The following FKBP5 variants were observed in gnomAD, a reference collection of about 807,000 sequenced individuals.
FKBP5 encodes the protein peptidyl-prolyl cis-trans isomerase FKBP5.
A neutral mutation model predicts 50.5 loss-of-function variants in FKBP5; 23 were observed. The ratio of observed to expected loss-of-function variants is 0.46; its 90% CI spans 0.33 to 0.65. The LOEUF (loss-of-function observed/expected upper bound fraction) is 0.65. Ranked by LOEUF, FKBP5 falls within the 30% of genes least tolerant of loss-of-function variation. FKBP5 has a pLI of 0.02. For synonymous variants in FKBP5, 176 were observed against 190.6 expected (o/e 0.92, Z 0.63); for missense variants, 411 against 553.1 (o/e 0.74, Z 2.58).
At position 35,632,901 on chromosome 6, in the gene FKBP5, A is replaced by G. The variant is rs567136212; in HGVS notation, c.250+4113T>C. 3.3e-5 allele frequency among the ~76,000 whole-genome samples: 5 copies of G among 152,178 alleles called. No individual in the cohort carries two copies. In the South Asian group the frequency reaches 6.2e-4, roughly 19 times the overall value. On this transcript the variant is annotated intron_variant, in intron 3 of 10. Coordinates refer to ENST00000357266, the MANE Select transcript of FKBP5 (RefSeq NM_004117.4). ...TAAAACTCCGTCTCAGAAAGAAAAA[A>G]AAAAAAAGAAAAGAGAAAAAGATGG...
intron 1 of FKBP5, among the ~76,000 whole-genome samples, chr6:35,683,115 C>CGTGTGTGT (rs1191313976): frequency 1.8e-5 from 1 of 56,196 alleles, no homozygotes; most frequent in Admixed American, 1.9e-4. Context: ...TATATATATA[C>CGTGTGTGT]GTATATGTGT....
At chr6:35,578,391 C>G (rs778513373) in intron 9 of FKBP5, among the ~76,000 whole-genome samples, 1 of 152,090 alleles carries the variant, frequency 6.6e-6, no homozygotes, top group Admixed American at 6.6e-5. Context: ...GTGGGGAAGT[C>G]TTTTCTAACT....
intron 7 of FKBP5, among the ~76,000 whole-genome samples, chr6:35,587,973 G>A (rs536985288): frequency 4.6e-5 from 7 of 151,896 alleles, no homozygotes; most frequent in Non-Finnish European, 1.0e-4. Context: ...GATAACGAGT[G>A]TGTGTTCCTG....
chr6:35,701,240 G>GTTTTTTTTTTTTTTTTTTTTTTTTT (rs1561901928), intron 2 of FKBP5, among the ~76,000 whole-genome samples: 1 of 146,934 alleles, frequency 6.8e-6, no homozygotes, highest in African/African-American at 2.5e-5. Context: ...TTTGTTTTTT[G>GTTTTTTTTTTTTTTTTTTTTTTTTT]TTTTTTTGTT....
intron 2 of FKBP5, among the ~76,000 whole-genome samples, chr6:35,706,424 C>CAAAAAAAAAAAAAAAAAAAAA (rs71002595): frequency 9.6e-6 from 1 of 103,872 alleles, no homozygotes; most frequent in East Asian, 2.5e-4. Flanking sequence ...AACTCTGTCT[C>CAAAAAAAAAAAAAAAAAAAAA]AAAAAAAAAA....
At chr6:35,667,156 AATTG>A (rs1765257754) in intron 1 of FKBP5, among the ~76,000 whole-genome samples, 1 of 152,140 alleles carries the variant, frequency 6.6e-6, no homozygotes, top group African/African-American at 2.4e-5. Context: ...AGATGAATAT[AATTG>A]ATCTTGATTA....
chr6:35,632,828 A>G (rs1764200273), intron 3 of FKBP5, among the ~76,000 whole-genome samples: 1 of 151,748 alleles, frequency 6.6e-6, no homozygotes, highest in Non-Finnish European at 1.5e-5. Context: ...GGTGGAGGTC[A>G]CAGTGAGCTG....
rs1478428087 is a variant in FKBP5 at position 35,594,791 on chromosome 6, AAC to A, written c.665+2455_665+2456del. Among the ~76,000 whole-genome samples, 7 of 152,306 alleles carry A rather than the reference AAC, an allele frequency of 4.6e-5. No individual in the cohort carries two copies. In the South Asian group the frequency reaches 8.3e-4, roughly 18 times the overall value. ...ACTTCACATAATTCTCCAACATACCAACACCTTGAACAAAAATAATGTTCCTT... is the reference window on the plus strand; with the variant it reads ...ACTTCACATAATTCTCCAACATACCAACCTTGAACAAAAATAATGTTCCTT... On this transcript the variant is annotated intron_variant, in intron 6 of 10. Transcript: ENST00000357266.
rs368107704 is a variant in FKBP5 at position 35,619,223 on chromosome 6, A to G, written c.394-13T>C. 48 of 1,583,106 alleles carry G rather than the reference A, an allele frequency of 3.0e-5. No homozygotes were observed. Among genetic ancestry groups the G allele is most frequent in the Middle Eastern group, 3.3e-4 (2 of 6,026 alleles). On this transcript the variant is annotated splice_polypyrimidine_tract_variant and intron_variant, in intron 4 of 10. Coordinates refer to ENST00000357266, the MANE Select transcript of FKBP5 (RefSeq NM_004117.4). ...CAAGGAGCTCAATCTAGAAAGAAAA[A>G]AGGAATTCAGCTGAGAAAAGACCAA...
upstream of FKBP5, among the ~76,000 whole-genome samples, chr6:35,690,288 G>A (rs1052419858): frequency 1.3e-5 from 2 of 152,112 alleles, no homozygotes; most frequent in African/African-American, 4.8e-5. Context: ...GACCAACATG[G>A]AGAAACCCCG....
chr6:35,694,651 A>G (rs1766054232), intron 2 of FKBP5, among the ~76,000 whole-genome samples: 1 of 152,178 alleles, frequency 6.6e-6, no homozygotes, highest in Non-Finnish European at 1.5e-5. Flanking sequence ...TTTCTGAGTC[A>G]TCTGATGACT....
chr6:35,728,243 C>G (rs1468753633), intron 1 of FKBP5, among the ~76,000 whole-genome samples: 1 of 152,196 alleles, frequency 6.6e-6, no homozygotes, highest in East Asian at 1.9e-4. Context: ...CAGCGACGAC[C>G]CGGCACTCGG....
intron 5 of FKBP5, among the ~76,000 whole-genome samples, chr6:35,605,728 G>A (rs1198060891): frequency 6.6e-6 from 1 of 152,066 alleles, no homozygotes; most frequent in Non-Finnish European, 1.5e-5. Context: ...GCAAAAGTTG[G>A]AAGCATTCCG....
chr6:35,577,044 G>A lies in FKBP5; in HGVS notation c.1216C>T (p.Arg406Cys), dbSNP rs759431987. The change falls in exon 10 of 11, where the codon CGC becomes TGC. Residue 406 changes from arginine to cysteine, a missense_variant. Arg to Cys is a radical substitution (Grantham distance 180). Transcript: ENST00000357266. The stretch of plus-strand genomic sequence containing the variant: ...TTGAACATGTTGGCGTATATCCTGC[G>A]GTCCCGCTCGTTGTGCTCCTTGGCC... ...KKAKEHNERD[R>C]RIYANMFKKF... is the part of the protein sequence containing the mutation. 4.3e-6 allele frequency: 7 copies of A among 1,614,124 alleles called. No individual in the cohort carries two copies. The South Asian group carries it at 4.4e-5, about 10-fold the overall frequency.
chr6:35,715,828 T>A (rs1343792372), intron 2 of FKBP5, among the ~76,000 whole-genome samples: 1 of 152,118 alleles, frequency 6.6e-6, no homozygotes, highest in African/African-American at 2.4e-5. Flanking sequence ...CTGGCATCCA[T>A]GTGGAGGATG....
chr6:35,668,277 C>T (rs1448830277), intron 1 of FKBP5, among the ~76,000 whole-genome samples: 1 of 152,200 alleles, frequency 6.6e-6, no homozygotes. Context: ...AAACAGCATC[C>T]CGGGACTTTC....
chr6:35,588,658 T>C (rs939298346), intron 7 of FKBP5, among the ~76,000 whole-genome samples: 25 of 152,030 alleles, frequency 1.6e-4, no homozygotes, highest in Non-Finnish European at 2.8e-4. Context: ...TGGAGTGCAG[T>C]GGCACGATCG....
chr6:35,583,472 T>C, intron 8 of FKBP5: 1 of 985,474 alleles, frequency 1.0e-6, no homozygotes, highest in African/African-American at 1.7e-5. Flanking sequence ...AGCTCTTGCA[T>C]ATATATCATG....
chr6:35,594,963 G>T (rs898932887), intron 6 of FKBP5, among the ~76,000 whole-genome samples: 2 of 152,160 alleles, frequency 1.3e-5, no homozygotes, highest in East Asian at 1.9e-4. Context: ...TGTGGTCCGA[G>T]GGTAAAATGG....
Sources: allele counts gnomAD v4.1 joint callset (sites outside exome capture counted in the v4.1 genomes callset), GRCh38; gene constraint gnomAD v4.1.1; transcripts MANE v1.5; gene names NCBI Gene and HGNC (gene_info 2026-07-23, HGNC 2026-07-21).